RBFOX1: variants seen among roughly 807,000 people sequenced by gnomAD.
RBFOX1 encodes the protein RNA binding fox-1 homolog 1.
A neutral mutation model predicts 57.7 loss-of-function variants in RBFOX1; 8 were observed. The ratio of observed to expected loss-of-function variants is 0.14; its 90% confidence interval spans 0.08 to 0.25. The LOEUF is 0.25. Ranked by LOEUF, RBFOX1 falls within the 10% of genes least tolerant of loss-of-function variation. The pLI, the probability that RBFOX1 is intolerant of heterozygous loss-of-function variation, is 1.00. For synonymous variants in RBFOX1, 326 were observed against 222.4 expected (o/e 1.47, Z -4.15); for missense variants, 611 against 548.5 (o/e 1.11, Z -1.14).
rs374250358 is a variant in RBFOX1 at position 7,494,486 on chromosome 16, C to T, written c.28-23661C>T. On this transcript the variant is annotated intron_variant, in intron 4 of 15. Coordinates refer to ENST00000550418, the MANE Select transcript of RBFOX1 (RefSeq NM_018723.4). ...TATTTTTTCTGGAAAATTTTCCTAA[C>T]CCCCTGCACACTGCCATCCAAGTCA... Among the ~76,000 whole-genome samples, 259 of 152,218 alleles carry T rather than the reference C, an allele frequency of 1.7e-3. 3 individuals carry two copies. The highest frequency in any genetic ancestry group is 6.8e-3 in the Middle Eastern group (2 of 294).
At chr16:6,952,084 C>T (rs556664898) in intron 3 of RBFOX1, among the ~76,000 whole-genome samples, 1 of 152,278 alleles carries the variant, frequency 6.6e-6, no homozygotes, top group East Asian at 1.9e-4. Context: ...GTACCTTTAT[C>T]TTTCTGAAAA....
In RBFOX1 at chr16:6,758,546, C is replaced by G. The variant is rs181463662; in HGVS notation, c.-16+103896C>G. Among the ~76,000 whole-genome samples the G allele has an allele frequency of 1.0e-3, 155 of 152,186 alleles. 1 individual carries two copies. The highest frequency in any genetic ancestry group is 3.6e-3 in the African/African-American group (150 of 41,534). On this transcript the variant is annotated intron_variant, in intron 3 of 15. Transcript: ENST00000550418. ...AGAGCAATTTAAATATCATTCAAAA[C>G]AGAATATAACCATGCTCTCTAAAAC... is the stretch of plus-strand genomic sequence containing the variant.
Position 5,599,222 on chromosome 16 carries a change from GACAGATCCGGGGC to G in RBFOX1, c.584_596del (p.Asp195ValfsTer16). 2 of 695,980 alleles carry G rather than the reference GACAGATCCGGGGC, an allele frequency of 2.9e-6. No individual in the cohort carries two copies. Among genetic ancestry groups the G allele is most frequent in the Non-Finnish European group, 5.2e-6 (2 of 381,440 alleles). 43.1% of individuals were successfully genotyped at this position (695,980 alleles called of 1,614,324 possible). On this transcript the variant is annotated frameshift_variant, in exon 3 of 3. Coordinates refer to the RBFOX1 transcript ENST00000585867. LOFTEE classifies it low-confidence loss of function (END_TRUNC). The stretch of plus-strand genomic sequence containing the variant: ...TAAAAAAGACCAGGCCCACTTGGTG[GACAGATCCGGGGC>G]ACAGTGGTTGGTGACAAGGCTGCAA...
intron 1 of RBFOX1, among the ~76,000 whole-genome samples, chr16:6,168,416 C>T (rs527910072): frequency 6.6e-6 from 1 of 152,252 alleles, no homozygotes; most frequent in East Asian, 1.9e-4. Context: ...GCCAGGCAAG[C>T]TCACATTACA....
At chr16:6,839,840 C>T (rs1018911836) in intron 3 of RBFOX1, among the ~76,000 whole-genome samples, 2 of 152,156 alleles carry the variant, frequency 1.3e-5, no homozygotes, top group South Asian at 2.1e-4. Context: ...ATAATCATAC[C>T]TCTGTTCTTA....
chr16:6,626,274 TTGGCCATG>T (rs1343735819), intron 2 of RBFOX1, among the ~76,000 whole-genome samples: 1 of 152,108 alleles, frequency 6.6e-6, no homozygotes, highest in Non-Finnish European at 1.5e-5. Context: ...CCTTTAAGTG[TTGGCCATG>T]TGACTCTTGC....
intron 3 of RBFOX1, among the ~76,000 whole-genome samples, chr16:6,931,520 G>T (rs2076559538): frequency 6.6e-6 from 1 of 152,054 alleles, no homozygotes; most frequent in African/African-American, 2.4e-5. Flanking sequence ...TTTTAAGGCT[G>T]GGGACATCTT....
intron 1 of RBFOX1, among the ~76,000 whole-genome samples, chr16:5,253,049 C>T (rs1212115825): frequency 1.3e-5 from 2 of 152,210 alleles, no homozygotes; most frequent in African/African-American, 2.4e-5. Context: ...CGCAAAGAGC[C>T]GCTTAATTTT....
chr16:5,888,516 C>T (rs1189957702), intron 4 of RBFOX1, among the ~76,000 whole-genome samples: 1 of 152,086 alleles, frequency 6.6e-6, no homozygotes, highest in Non-Finnish European at 1.5e-5. Context: ...GTTGTTGAGG[C>T]CGGGCGCAGT....
At chr16:6,777,147 C>G (rs62016079) in intron 3 of RBFOX1, among the ~76,000 whole-genome samples, 18,336 of 149,832 alleles carry the variant, frequency 0.12, 1,380 homozygotes, top group Admixed American at 0.23. Flanking sequence ...ATGTGCTACA[C>G]ATTTTCCAGA....
At chr16:7,362,468 G>C in intron 4 of RBFOX1, among the ~76,000 whole-genome samples, 1 of 151,448 alleles carries the variant, frequency 6.6e-6, no homozygotes, top group Non-Finnish European at 1.5e-5. Context: ...ATGTTTTTGT[G>C]TGTGTTTGTG....
chr16:5,892,986 G>C (rs1037918667), intron 4 of RBFOX1, among the ~76,000 whole-genome samples: 1 of 152,058 alleles, frequency 6.6e-6, no homozygotes, highest in African/African-American at 2.4e-5. Flanking sequence ...GTAAAGAGGA[G>C]GAAACAAAAA....
At position 6,940,848 on chromosome 16, in the gene RBFOX1, A is replaced by AGTGTGTGT. The variant is rs1283880547; in HGVS notation, c.-15-111207_-15-111206insGTGTGTGT. Among the ~76,000 whole-genome samples the AGTGTGTGT allele has an allele frequency of 5.5e-3, 321 of 58,422 alleles. 5 individuals carry two copies. The highest frequency in any genetic ancestry group is 0.029 in the East Asian group (60 of 2,058). 38.3% of individuals were successfully genotyped at this position (58,422 alleles called of 152,430 possible). A position where few individuals can be genotyped will look rare whatever the true frequency, so the allele number is the denominator to read the frequency against. ...CAGGCGCCTGCCACCATGTCCGGCT[A>AGTGTGTGT]GTCTGTGTGTGTGTGTGTGTGTGTG... On this transcript the variant is annotated intron_variant, in intron 3 of 15. Transcript: ENST00000550418.
At chr16:5,298,294 G>C (rs911567511) in intron 1 of RBFOX1, among the ~76,000 whole-genome samples, 1 of 152,170 alleles carries the variant, frequency 6.6e-6, no homozygotes, top group African/African-American at 2.4e-5. Flanking sequence ...AAATTCTATA[G>C]TGAGAGGTGT....
Position 6,172,301 on chromosome 16 carries a change from G to A in RBFOX1, c.-126-144694G>A, listed in dbSNP as rs535953680. 2.0e-5 allele frequency among the ~76,000 whole-genome samples: 3 copies of A among 151,926 alleles called. No homozygotes were observed. The East Asian group carries it at 5.8e-4, about 30-fold the overall frequency. ...GGGAGATACAACGTCCTCATCTTCTGCAAGTTGCTCTGGTGGGAAAGAAGG... is the reference window on the plus strand; with the variant it reads ...GGGAGATACAACGTCCTCATCTTCTACAAGTTGCTCTGGTGGGAAAGAAGG... On this transcript the variant is annotated intron_variant, in intron 1 of 15. Coordinates refer to ENST00000550418, the MANE Select transcript of RBFOX1 (RefSeq NM_018723.4).
intron 4 of RBFOX1, among the ~76,000 whole-genome samples, chr16:7,461,521 A>G (rs963707220): frequency 6.6e-6 from 1 of 152,190 alleles, no homozygotes; most frequent in Non-Finnish European, 1.5e-5. Flanking sequence ...GTAGAATTTA[A>G]GTCTGAGTTG....
intron 2 of RBFOX1, among the ~76,000 whole-genome samples, chr16:5,524,148 G>A (rs1238849527): frequency 6.6e-6 from 1 of 152,174 alleles, no homozygotes. Context: ...CCTATTTAAA[G>A]AAAACTAAAT....
chr16:5,424,375 G>A (rs774516863), intron 1 of RBFOX1, among the ~76,000 whole-genome samples: 10 of 152,200 alleles, frequency 6.6e-5, no homozygotes, highest in African/African-American at 1.7e-4. Flanking sequence ...GACTGGGCGA[G>A]CTCCATCACC....
At chr16:5,598,152 T>C (rs185068075) in intron 2 of RBFOX1, among the ~76,000 whole-genome samples, 64 of 151,210 alleles carry the variant, frequency 4.2e-4, no homozygotes, top group African/African-American at 1.6e-3. Context: ...CAAAAACTTA[T>C]CCAGGTGTGG....
Sources: gnomAD v4.1 joint callset for allele counts (sites outside exome capture counted in the v4.1 genomes callset) on GRCh38, gnomAD v4.1.1 for gene constraint, MANE v1.5 for transcripts, NCBI Gene and HGNC (gene_info 2026-07-23, HGNC 2026-07-21) for gene names.